Variants in BMPR2 observed in about 807,000 individuals in gnomAD.
BMPR2 encodes bone morphogenetic protein receptor type-2.
BMPR2 carries 29 observed loss-of-function variants against 100.8 expected under a neutral mutation model. The observed-to-expected ratio is 0.29, with a 90% CI of 0.21 to 0.39. The LOEUF (loss-of-function observed/expected upper bound fraction) is 0.39. Ranked by LOEUF, BMPR2 falls within the 10% of genes least tolerant of loss-of-function variation. BMPR2 has a pLI of 1.00. For missense variants in BMPR2, 1,011 were observed against 1,274.5 expected, an observed-to-expected ratio of 0.79 and a Z score of 3.15; for synonymous variants, 382 against 442.3, an observed-to-expected ratio of 0.86 and a Z score of 1.71.
chr2:202,524,153 G>A (rs1687866821), intron 7 of BMPR2, among the ~76,000 whole-genome samples: 1 of 151,962 alleles, frequency 6.6e-6, no homozygotes, highest in Non-Finnish European at 1.5e-5. Context: ...ACGAGGTCAG[G>A]AGATCAAGAC....
chr2:202,455,374 C>A (rs1692072168), intron 1 of BMPR2, among the ~76,000 whole-genome samples: 1 of 151,878 alleles, frequency 6.6e-6, no homozygotes, highest in Non-Finnish European at 1.5e-5. Flanking sequence ...ATAGCCAGAC[C>A]CCATCTCTAT....
intron 10 of BMPR2, 112 bp from the exon 11 acceptor site, chr2:202,552,604 A>G (rs1338222886): frequency 8.9e-7 from 1 of 1,117,560 alleles, no homozygotes; most frequent in Non-Finnish European, 1.3e-6. Context: ...AGAGCTATGT[A>G]AAATACTGGT....
chr2:202,546,851 C>T (rs1688384464), intron 10 of BMPR2, among the ~76,000 whole-genome samples: 1 of 152,190 alleles, frequency 6.6e-6, no homozygotes, highest in South Asian at 2.1e-4. Context: ...ATCCACCTGC[C>T]TCAGACTCCC....
chr2:202,549,746 CA>C (rs34226687), intron 10 of BMPR2, among the ~76,000 whole-genome samples: 84 of 119,444 alleles, frequency 7.0e-4, no homozygotes, highest in Non-Finnish European at 6.4e-4. Context: ...GACTCTGTCT[CA>C]AAAAAAAAAA....
intron 3 of BMPR2, among the ~76,000 whole-genome samples, chr2:202,472,697 T>C (rs879869588): frequency 3.9e-5 from 6 of 152,196 alleles, no homozygotes; most frequent in Non-Finnish European, 8.8e-5. Flanking sequence ...TTCATACATA[T>C]CCTCAAAGAT....
At chr2:202,506,065 T>G (rs1343333052) in intron 3 of BMPR2, among the ~76,000 whole-genome samples, 1 of 152,330 alleles carries the variant, frequency 6.6e-6, no homozygotes, top group East Asian at 1.9e-4. Flanking sequence ...GTCTTCTCAT[T>G]GTAACTTACA....
chr2:202,515,666 G>C lies in BMPR2; in HGVS notation c.621+687G>C, dbSNP rs374881423. On this transcript the variant is annotated intron_variant, in intron 5 of 12. Coordinates refer to ENST00000374580, the MANE Select transcript of BMPR2 (RefSeq NM_001204.7). Reference sequence around the variant, plus strand: ...TCACTTTGGGAGGCTGAGGCAGGGGGATCACTTGAGGTCAGGAGTTCAAGA... The same window carrying C: ...TCACTTTGGGAGGCTGAGGCAGGGGCATCACTTGAGGTCAGGAGTTCAAGA... Among the ~76,000 whole-genome samples the C allele has an allele frequency of 3.2e-3, 485 of 152,084 alleles. 2 individuals carry two copies. Among genetic ancestry groups the C allele is most frequent in the African/African-American group, 0.011 (470 of 41,506 alleles).
chr2:202,542,543 T>C, intron 10 of BMPR2, 96 bp downstream of exon 10: 1 of 1,433,606 alleles, frequency 7.0e-7, no homozygotes, highest in East Asian at 2.5e-5. Flanking sequence ...CGTTAATAGT[T>C]TTTGGAGTTG....
chr2:202,497,800 T>C (rs1693073112), intron 3 of BMPR2, among the ~76,000 whole-genome samples: 1 of 152,072 alleles, frequency 6.6e-6, no homozygotes, highest in Non-Finnish European at 1.5e-5. Context: ...CTCTGGTGCT[T>C]TTCTAGTTTC....
intron 3 of BMPR2, among the ~76,000 whole-genome samples, chr2:202,509,722 A>G (rs1559059954): frequency 6.6e-6 from 1 of 151,926 alleles, no homozygotes; most frequent in African/African-American, 2.4e-5. Context: ...CATTAATCTA[A>G]ATTTTCAATA....
In BMPR2 at chr2:202,566,508, T is replaced by G. The variant is rs1458298827; in HGVS notation, c.*6562T>G. The G allele has an allele frequency of 1.3e-5, 2 of 152,444 alleles. No individual in the cohort carries two copies. The highest frequency in any genetic ancestry group is 4.8e-5 in the African/African-American group (2 of 41,466). The allele number at this position is 152,444 out of a possible 1,614,324, so 9.4% of individuals were successfully genotyped here. The stretch of plus-strand genomic sequence containing the variant: ...TAATTGGCTACATGTTGCAACAAAT[T>G]TAGGCCTTTAGAGTTGAAGCACTGA... On this transcript the variant is annotated 3_prime_UTR_variant, in exon 13 of 13. Transcript: ENST00000374580.
intron 1 of BMPR2, among the ~76,000 whole-genome samples, chr2:202,403,651 T>A (rs1690818292): frequency 6.6e-6 from 1 of 152,230 alleles, no homozygotes; most frequent in Non-Finnish European, 1.5e-5. Context: ...TTCATATTTT[T>A]ATATTTTAAA....
intron 3 of BMPR2, among the ~76,000 whole-genome samples, chr2:202,491,681 G>A (rs1692905902): frequency 6.6e-6 from 1 of 152,110 alleles, no homozygotes. Context: ...TGGAATTACA[G>A]GCATGAGGCA....
At chr2:202,549,273 C>A (rs1688431161) in intron 10 of BMPR2, among the ~76,000 whole-genome samples, 1 of 151,772 alleles carries the variant, frequency 6.6e-6, no homozygotes, top group Admixed American at 6.6e-5. Flanking sequence ...TTATGTGTAG[C>A]CATAGTTTAT....
At chr2:202,507,296 TCTG>T (rs768483392) in intron 3 of BMPR2, among the ~76,000 whole-genome samples, 98 of 152,338 alleles carry the variant, frequency 6.4e-4, no homozygotes, top group Non-Finnish European at 1.4e-3. Flanking sequence ...TTTTAGGTTT[TCTG>T]ACTTGTTATC....
chr2:202,532,674 G>A lies in BMPR2; in HGVS notation c.1218G>A (p.Met406Ile). Reference sequence around the variant, plus strand: ...AATCAGCTTTGAAACAAGTAGACATGTATGCTCTTGGACTAATCTATTGGG... The same window carrying A: ...AATCAGCTTTGAAACAAGTAGACATATATGCTCTTGGACTAATCTATTGGG... Reference protein sequence around the residue: ...DCESALKQVDMYALGLIYWEI... With the variant: ...DCESALKQVDIYALGLIYWEI... The change falls in exon 9 of 13, where the codon ATG becomes ATA. Residue 406 changes from methionine to isoleucine, a missense_variant. Transcript: ENST00000374580. The surrounding 1 kb of genome is among the most constrained non-coding windows in gnomAD (Gnocchi z 4.1). 1 of 1,613,804 alleles carries A rather than the reference G, an allele frequency of 6.2e-7. No individual in the cohort carries two copies. The highest frequency in any genetic ancestry group is 8.5e-7 in the Non-Finnish European group (1 of 1,179,886).
At chr2:202,494,600 C>T (rs1361757464) in intron 3 of BMPR2, among the ~76,000 whole-genome samples, 2 of 152,122 alleles carry the variant, frequency 1.3e-5, no homozygotes, top group Non-Finnish European at 2.9e-5. Flanking sequence ...GTAGTGTTTA[C>T]ATTTGGCTGA....
At chr2:202,492,448 C>G (rs993609322) in intron 3 of BMPR2, among the ~76,000 whole-genome samples, 3 of 151,642 alleles carry the variant, frequency 2.0e-5, no homozygotes, top group African/African-American at 7.3e-5. Flanking sequence ...GCTTGTAATC[C>G]CAGCACTTTG....
chr2:202,501,919 A>G (rs1292371423), intron 3 of BMPR2, among the ~76,000 whole-genome samples: 1 of 152,176 alleles, frequency 6.6e-6, no homozygotes, highest in Non-Finnish European at 1.5e-5. Context: ...AAGTCCCCTT[A>G]ACTAATCCTG....
Sources: gnomAD v4.1 joint callset for allele counts (sites outside exome capture counted in the v4.1 genomes callset) on GRCh38, gnomAD v4.1.1 for gene constraint, Gnocchi (gnomAD v3.1) non-coding constraint, MANE v1.5 for transcripts, NCBI Gene and HGNC (gene_info 2026-07-23, HGNC 2026-07-21) for gene names.